The following MINK1 variants were observed in gnomAD, a reference collection of about 807,000 sequenced individuals.
MINK1 encodes the protein misshapen-like kinase 1.
Under a neutral mutation model 178.4 loss-of-function variants are expected in MINK1, and 46 were observed. That is an observed-to-expected ratio of 0.26 (90% CI 0.20 to 0.33). The LOEUF is 0.33. MINK1 is among the 10% of genes least tolerant of loss of function. The pLI is 1.00. For missense variants in MINK1, 1,366 were observed against 1,814.9 expected, an observed-to-expected ratio of 0.75 and a Z score of 4.49; for synonymous variants, 797 against 709.7, an observed-to-expected ratio of 1.12 and a Z score of -1.96.
chr17:4,844,830 G>GTGT (rs546334417), intron 1 of MINK1, among the ~76,000 whole-genome samples: 3 of 152,148 alleles, frequency 2.0e-5, no homozygotes, highest in African/African-American at 7.2e-5. Context: ...CTTTAAAAAT[G>GTGT]TGTTGTTGTT....
chr17:4,843,383 C>T (rs1179888979), intron 1 of MINK1, among the ~76,000 whole-genome samples: 2 of 151,514 alleles, frequency 1.3e-5, no homozygotes, highest in Admixed American at 6.6e-5. Flanking sequence ...GAGGGTGAGG[C>T]AGGAGAATCG....
chr17:4,868,057 A>G (rs1915308027), intron 1 of MINK1, among the ~76,000 whole-genome samples: 1 of 150,418 alleles, frequency 6.6e-6, no homozygotes, highest in Non-Finnish European at 1.5e-5. Flanking sequence ...GCTCACTGCA[A>G]CCTCCACCTT....
chr17:4,894,736 G>A lies in MINK1; in HGVS notation c.2917+103G>A. The stretch of plus-strand genomic sequence containing the variant: ...GCAGCCTCACAAAGCATAGCCACAG[G>A]ACCTCTCCCTTGGGCCCTAGCACCT... On this transcript the variant is annotated intron_variant, in intron 24 of 31. Transcript: ENST00000355280. This position sits in a 1 kb window ranked among gnomAD's most constrained non-coding sequence, Gnocchi z 4.1. 1.1e-6 allele frequency: 1 copy of A among 919,314 alleles called. No homozygotes were observed. The highest frequency in any genetic ancestry group is 1.7e-6 in the Non-Finnish European group (1 of 584,690). The allele number at this position is 919,314 out of a possible 1,614,324, so 56.9% of individuals were successfully genotyped here. A position where few individuals can be genotyped will look rare whatever the true frequency, so the allele number is the denominator to read the frequency against.
At chr17:4,860,056 G>A (rs555013118) in intron 1 of MINK1, among the ~76,000 whole-genome samples, 95 of 145,002 alleles carry the variant, frequency 6.6e-4, no homozygotes, top group Non-Finnish European at 1.2e-3. Context: ...CGGGGTACAG[G>A]GGGAAGGGTC....
intron 13 of MINK1, chr17:4,889,989 C>T (rs1968616983): frequency 3.4e-6 from 2 of 583,980 alleles, no homozygotes; most frequent in Non-Finnish European, 6.1e-6. Flanking sequence ...TCCCTGACTC[C>T]CCGACCCCTT....
At position 4,896,634 on chromosome 17, in the gene MINK1, C is replaced by T. The variant is rs749678853; in HGVS notation, c.3776-40C>T. 223 of 1,610,182 alleles carry T rather than the reference C, an allele frequency of 1.4e-4. 5 individuals are homozygous for T. The South Asian group carries it at 1.5e-3, about 11-fold the overall frequency. ...CCAGCCACATGCCCCGAGGTGGCCCCGGGGTGCAGCCTGCTCAGCCCCTCA... is the reference window on the plus strand; with the variant it reads ...CCAGCCACATGCCCCGAGGTGGCCCTGGGGTGCAGCCTGCTCAGCCCCTCA... On this transcript the variant is annotated intron_variant, in intron 30 of 31. Coordinates refer to ENST00000355280, the MANE Select transcript of MINK1 (RefSeq NM_153827.5). The surrounding 1 kb of genome is among the most constrained non-coding windows in gnomAD (Gnocchi z 4.6).
At position 4,896,251 on chromosome 17, in the gene MINK1, A is replaced by G. The variant is rs373553878; in HGVS notation, c.3524A>G (p.Gln1175Arg). 4 of 1,607,008 alleles carry G rather than the reference A, an allele frequency of 2.5e-6. No homozygotes were observed. Among genetic ancestry groups the G allele is most frequent in the Non-Finnish European group, 3.4e-6 (4 of 1,176,280 alleles). Residue 1175 changes from glutamine to arginine, a missense_variant, in exon 29 of 32, where the codon CAG (glutamine) becomes CGG (arginine). Around this residue, in one of 14 missense-constraint regions of MINK1, gnomAD observed 201 missense variants for 240.7 expected, o/e 0.84. Transcript: ENST00000355280. This position sits in a 1 kb window ranked among gnomAD's most constrained non-coding sequence, Gnocchi z 4.6. ...GTCGACCTGACAGTAGAGGAGGGGC[A>G]GCGGCTCAAGGTCATCTATGGCTCC... ...LLVDLTVEEG[Q>R]RLKVIYGSSA...
At chr17:4,867,971 CTTTT>C (rs552337563) in intron 1 of MINK1, among the ~76,000 whole-genome samples, 1 of 142,354 alleles carries the variant, frequency 7.0e-6, no homozygotes. Flanking sequence ...TCTTCTAGCT[CTTTT>C]TTTTTTTTTT....
At position 4,836,367 on chromosome 17, in the gene MINK1, C is replaced by T. The variant is rs1312229987; in HGVS notation, c.57+2727C>T. Among the ~76,000 whole-genome samples, 1 of 152,126 alleles carries T rather than the reference C, an allele frequency of 6.6e-6. No individual in the cohort carries two copies. Among genetic ancestry groups the T allele is most frequent in the East Asian group, 1.9e-4 (1 of 5,194 alleles). On this transcript the variant is annotated intron_variant, in intron 1 of 31. Transcript: ENST00000355280. This position sits in a 1 kb window ranked among gnomAD's most constrained non-coding sequence, Gnocchi z 4.3. ...AATCTCTTAGCCATGTGTGGGGAGG[C>T]CAGATGGACCTGCTACTTTGTAGCC... is the stretch of plus-strand genomic sequence containing the variant.
At position 4,886,989 on chromosome 17, in the gene MINK1, TG is replaced by T; in HGVS notation, c.950-118del. ...CTGTCCTCCCATTGCCCCCAGGAAG[TG>T]GGTGGGGCCCCTCATGCTTGCCCAG... On this transcript the variant is annotated intron_variant, in intron 10 of 31. Transcript: ENST00000355280. The surrounding 1 kb of genome is among the most constrained non-coding windows in gnomAD (Gnocchi z 6.1). The T allele has an allele frequency of 9.8e-7, 1 of 1,019,198 alleles. No individual in the cohort carries two copies. The highest frequency in any genetic ancestry group is 1.4e-6 in the Non-Finnish European group (1 of 691,094). The allele number at this position is 1,019,198 out of a possible 1,614,324, so 63.1% of individuals were successfully genotyped here. A position where few individuals can be genotyped will look rare whatever the true frequency, so the allele number is the denominator to read the frequency against.
At chr17:4,884,553 G>T in intron 5 of MINK1, 80 bp downstream of exon 5, 5 of 1,072,328 alleles carry the variant, frequency 4.7e-6, no homozygotes, top group African/African-American at 1.6e-5. Flanking sequence ...TCCTCCCTGC[G>T]CTGGGAGGAG....
At chr17:4,884,212 G>A (rs1967990884) in intron 4 of MINK1, 151 bp from the exon 5 acceptor site, 2 of 622,928 alleles carry the variant, frequency 3.2e-6, no homozygotes, top group Non-Finnish European at 5.8e-6. Flanking sequence ...TGGCCTTTGT[G>A]AGGCTTCTGT....
At chr17:4,835,361 C>T (rs1392628591) in intron 1 of MINK1, among the ~76,000 whole-genome samples, 1 of 152,168 alleles carries the variant, frequency 6.6e-6, no homozygotes, top group Non-Finnish European at 1.5e-5. Context: ...GGGCGAGGTG[C>T]TCACACCTGT....
At chr17:4,867,923 A>G (rs1915279444) in intron 1 of MINK1, among the ~76,000 whole-genome samples, 2 of 151,942 alleles carry the variant, frequency 1.3e-5, no homozygotes, top group South Asian at 2.1e-4. Flanking sequence ...TTGGGCATCC[A>G]TTACCTCAAA....
chr17:4,833,404 A>AT lies in MINK1; in HGVS notation c.-179dup. On this transcript the variant is annotated 5_prime_UTR_variant, in exon 1 of 32. Transcript: ENST00000355280. The surrounding 1 kb of genome is among the most constrained non-coding windows in gnomAD (Gnocchi z 4.8). The stretch of plus-strand genomic sequence containing the variant: ...GGCTCGGGTGGCTGGCTCCGGGGAG[A>AT]TAGCGCCTGTCAGTCGGTGGGTCGG... 1.9e-6 allele frequency: 1 copy of AT among 530,188 alleles called. No homozygotes were observed. The highest frequency in any genetic ancestry group is 2.2e-5 in the South Asian group (1 of 44,508). 32.8% of individuals were successfully genotyped at this position (530,188 alleles called of 1,614,324 possible).
rs1909274941 is a variant in MINK1, at chr17:4,836,141, C to T, written c.57+2501C>T. On this transcript the variant is annotated intron_variant, in intron 1 of 31. Transcript: ENST00000355280. The surrounding 1 kb of genome is among the most constrained non-coding windows in gnomAD (Gnocchi z 4.3). ...CTCTTGTGCTATTCCTGTCTGTTTT[C>T]CAGTGAGAAATGGTGTCTCCCTTTA... Among the ~76,000 whole-genome samples the T allele has an allele frequency of 6.6e-6, 1 of 152,142 alleles. No individual in the cohort carries two copies. The highest frequency in any genetic ancestry group is 6.5e-5 in the Admixed American group (1 of 15,274).
At position 4,887,207 on chromosome 17, in the gene MINK1, G is replaced by A; in HGVS notation, c.1019+28G>A. On this transcript the variant is annotated intron_variant, in intron 11 of 31. Transcript: ENST00000355280. This position sits in a 1 kb window ranked among gnomAD's most constrained non-coding sequence, Gnocchi z 7.6. ...AGGCCTGGCAGGTGGAGTGGGGGTT[G>A]GGGCGGTCATCGCTGAGTGGGGGGA... is the stretch of plus-strand genomic sequence containing the variant. 1.9e-6 allele frequency: 3 copies of A among 1,580,230 alleles called. No individual in the cohort carries two copies. The highest frequency in any genetic ancestry group is 1.7e-6 in the Non-Finnish European group (2 of 1,162,826).
chr17:4,855,463 G>A (rs1289961185), intron 1 of MINK1, among the ~76,000 whole-genome samples: 1 of 130,294 alleles, frequency 7.7e-6, no homozygotes, highest in African/African-American at 2.9e-5. Flanking sequence ...TCCAGCCTGG[G>A]CGACAGAGCG....
At chr17:4,845,885 A>G (rs1254889194) in intron 1 of MINK1, among the ~76,000 whole-genome samples, 77 of 152,234 alleles carry the variant, frequency 5.1e-4, no homozygotes, top group Non-Finnish European at 1.5e-5. Flanking sequence ...CAAGTGATCC[A>G]CCTGCCTTGG....
Sources: allele counts gnomAD v4.1 joint callset (sites outside exome capture counted in the v4.1 genomes callset), GRCh38; gene constraint gnomAD v4.1.1; regional missense constraint gnomAD v4.1.1; non-coding constraint Gnocchi (gnomAD v3.1); transcripts MANE v1.5; gene names NCBI Gene and HGNC (gene_info 2026-07-23, HGNC 2026-07-21).